The following TENM3 variants were observed in gnomAD, a reference collection of about 807,000 sequenced individuals.
TENM3 encodes teneurin-3.
In TENM3, 63 loss-of-function variants were observed where a neutral mutation model predicts 255.1. That is an observed-to-expected ratio of 0.25 (90% CI 0.20 to 0.30). TENM3 has a LOEUF of 0.30. Ranked by LOEUF, TENM3 falls within the 10% of genes least tolerant of loss-of-function variation. The pLI is 1.00. For synonymous variants in TENM3, 1,306 were observed against 1,322.3 expected, an observed-to-expected ratio of 0.99 and a Z score of 0.27; for missense variants, 2,929 against 3,461.1, an observed-to-expected ratio of 0.85 and a Z score of 3.86.
At chr4:182,250,303 T>C (rs191342727) in intron 1 of TENM3, among the ~76,000 whole-genome samples, 3,213 of 140,134 alleles carry the variant, frequency 0.023, 114 homozygotes, top group African/African-American at 0.091. Flanking sequence ...CCACCCGCCT[T>C]AGCCTCCCAA....
rs1751708665 is a variant in TENM3, at chr4:182,166,182, A to T, written c.-76+21428A>T. Reference sequence around the variant, plus strand: ...AATTTAATGTGGCTGTTTCGTAAAGATACCTTCTCAGAGACATCGTCAAAG... The same window carrying T: ...AATTTAATGTGGCTGTTTCGTAAAGTTACCTTCTCAGAGACATCGTCAAAG... On this transcript the variant is annotated intron_variant, in intron 1 of 2. Transcript: ENST00000512480. Among the ~76,000 whole-genome samples the T allele has an allele frequency of 2.0e-5, 3 of 152,208 alleles. No individual in the cohort carries two copies. The South Asian group carries it at 6.2e-4, about 31-fold the overall frequency.
chr4:182,084,375 T>C, the TENM3 span, among the ~76,000 whole-genome samples: 26 of 152,204 alleles, frequency 1.7e-4, no homozygotes, highest in Non-Finnish European at 3.5e-4. Flanking sequence ...GCAATTATTT[T>C]AATAATCACA....
the TENM3 span, among the ~76,000 whole-genome samples, chr4:181,750,856 A>G: frequency 6.6e-6 from 1 of 152,210 alleles, no homozygotes; most frequent in Non-Finnish European, 1.5e-5. Flanking sequence ...CAGCAAGATC[A>G]GTACGCGACA....
the TENM3 span, among the ~76,000 whole-genome samples, chr4:181,750,168 T>A: frequency 6.6e-6 from 1 of 152,118 alleles, no homozygotes; most frequent in Non-Finnish European, 1.5e-5. Flanking sequence ...GGGTGAGGTG[T>A]TACTGTGATC....
chr4:182,577,845 T>C (rs1409745841), intron 3 of TENM3, among the ~76,000 whole-genome samples: 1 of 152,204 alleles, frequency 6.6e-6, no homozygotes, highest in Non-Finnish European at 1.5e-5. Context: ...TCCTAACATG[T>C]AAACATTTCT....
the TENM3 span, among the ~76,000 whole-genome samples, chr4:181,879,801 G>A: frequency 3.3e-5 from 5 of 152,236 alleles, no homozygotes; most frequent in South Asian, 1.0e-3. Flanking sequence ...AGACACACTT[G>A]TGGCACTTCG....
the TENM3 span, among the ~76,000 whole-genome samples, chr4:182,020,110 A>G: frequency 6.6e-6 from 1 of 152,064 alleles, no homozygotes; most frequent in Non-Finnish European, 1.5e-5. Context: ...CATGCCTGTA[A>G]TCACAGCACT....
chr4:182,004,095 T>TA, the TENM3 span, among the ~76,000 whole-genome samples: 156 of 151,698 alleles, frequency 1.0e-3, no homozygotes, highest in African/African-American at 3.5e-3. Flanking sequence ...TTATTTCTTC[T>TA]AAAAAAACAA....
At chr4:182,497,336 C>A (rs1402610604) in intron 3 of TENM3, among the ~76,000 whole-genome samples, 1 of 152,102 alleles carries the variant, frequency 6.6e-6, no homozygotes, top group Non-Finnish European at 1.5e-5. Context: ...CAGGCGTGAG[C>A]CACGGCACCC....
the TENM3 span, among the ~76,000 whole-genome samples, chr4:181,909,265 G>T: frequency 6.6e-6 from 1 of 152,142 alleles, no homozygotes; most frequent in African/African-American, 2.4e-5. Context: ...CTGTGTCTTT[G>T]TGCAAATTAT....
Position 182,679,733 on chromosome 4 carries a change from C to CGGAGAGAGCCGGGCGGCA in TENM3, c.1397_1414dup (p.Glu466_Gln471dup), listed in dbSNP as rs1755976988. 6.8e-6 allele frequency: 11 copies of CGGAGAGAGCCGGGCGGCA among 1,613,754 alleles called. No homozygotes were observed. Among genetic ancestry groups the CGGAGAGAGCCGGGCGGCA allele is most frequent in the Non-Finnish European group, 9.3e-6 (11 of 1,179,896 alleles). ...AGAGAGCAGCGGAGCCTGCTTGAGA[C>CGGAGAGAGCCGGGCGGCA]GGAGAGAGCCGGGCGGCAGGCGAGA... On this transcript the variant is annotated inframe_insertion, in exon 8 of 28. Coordinates refer to ENST00000511685, the MANE Select transcript of TENM3 (RefSeq NM_001080477.4).
intron 3 of TENM3, among the ~76,000 whole-genome samples, chr4:182,431,605 T>G (rs943216058): frequency 2.0e-5 from 3 of 152,136 alleles, no homozygotes; most frequent in Non-Finnish European, 4.4e-5. Flanking sequence ...GAAAGACAAT[T>G]GAAATTTCTA....
chr4:181,910,685 C>T, the TENM3 span, among the ~76,000 whole-genome samples: 1 of 148,806 alleles, frequency 6.7e-6, no homozygotes, highest in East Asian at 2.0e-4. Flanking sequence ...CTATGTTGTC[C>T]AGGCTAGTCT....
At chr4:181,463,207 A>T in the TENM3 span, among the ~76,000 whole-genome samples, 1 of 152,182 alleles carries the variant, frequency 6.6e-6, no homozygotes, top group African/African-American at 2.4e-5. Flanking sequence ...CCTTTTCCAC[A>T]AATCCTATCT....
chr4:182,129,582 G>C, the TENM3 span, among the ~76,000 whole-genome samples: 1 of 152,104 alleles, frequency 6.6e-6, no homozygotes, highest in African/African-American at 2.4e-5. Flanking sequence ...TTTAGGTGTC[G>C]AAGGATAGGT....
At chr4:182,376,739 TC>T (rs1767202921) in intron 3 of TENM3, among the ~76,000 whole-genome samples, 2 of 151,986 alleles carry the variant, frequency 1.3e-5, no homozygotes, top group African/African-American at 2.4e-5. Flanking sequence ...TTTTTTTTTT[TC>T]CCTGAATTGG....
intron 3 of TENM3, among the ~76,000 whole-genome samples, chr4:182,525,028 TCAA>T (rs369452411): frequency 5.3e-5 from 8 of 151,956 alleles, no homozygotes; most frequent in African/African-American, 1.9e-4. Flanking sequence ...AGACCCTGTC[TCAA>T]CAACAACAAC....
the TENM3 span, among the ~76,000 whole-genome samples, chr4:181,664,329 G>A: frequency 1.3e-5 from 2 of 152,060 alleles, no homozygotes; most frequent in Non-Finnish European, 2.9e-5. Flanking sequence ...AATGAGCTGG[G>A]TGTCGTGGTG....
the TENM3 span, among the ~76,000 whole-genome samples, chr4:181,816,801 C>A: frequency 2.0e-5 from 3 of 152,244 alleles, no homozygotes; most frequent in South Asian, 2.1e-4. Context: ...TTTTATGCAT[C>A]GATAATGTCA....
Sources: allele counts gnomAD v4.1 joint callset (sites outside exome capture counted in the v4.1 genomes callset), GRCh38; gene constraint gnomAD v4.1.1; transcripts MANE v1.5; gene names NCBI Gene and HGNC (gene_info 2026-07-23, HGNC 2026-07-21).